ZDHHC18: variants seen among roughly 807,000 people sequenced by gnomAD.
ZDHHC18 encodes zDHHC palmitoyltransferase 18.
Under a neutral mutation model 37.5 loss-of-function variants are expected in ZDHHC18, and 23 were observed. The ratio of observed to expected loss-of-function variants is 0.61; its 90% CI spans 0.44 to 0.87. The LOEUF (loss-of-function observed/expected upper bound fraction) is 0.87. ZDHHC18 is among the 40% of genes least tolerant of loss of function. The pLI is 0.00. For missense variants in ZDHHC18, 406 were observed against 525.6 expected (o/e 0.77, Z 2.22); for synonymous variants, 185 against 218.7 (o/e 0.85, Z 1.36).
chr1:26,832,903 A>G (rs2081594575), intron 2 of ZDHHC18, among the ~76,000 whole-genome samples: 1 of 152,222 alleles, frequency 6.6e-6, no homozygotes, highest in South Asian at 2.1e-4. Flanking sequence ...ATCTTATTTA[A>G]TCCCCCAGTA....
chr1:26,848,240 A>T (rs1557645024), intron 2 of ZDHHC18, among the ~76,000 whole-genome samples: 1 of 151,712 alleles, frequency 6.6e-6, no homozygotes, highest in Non-Finnish European at 1.5e-5. Flanking sequence ...TGAACCTGCG[A>T]GGTGGAGGTT....
In ZDHHC18 at chr1:26,832,502, CTCT is replaced by C. The variant is rs772993536; in HGVS notation, c.400_402del (p.Phe134del). 2.7e-5 allele frequency: 43 copies of C among 1,614,074 alleles called. No homozygotes were observed. The highest frequency in any genetic ancestry group is 3.1e-5 in the Non-Finnish European group (36 of 1,180,028). On this transcript the variant is annotated inframe_deletion, in exon 2 of 8. Coordinates refer to ENST00000374142, the MANE Select transcript of ZDHHC18 (RefSeq NM_032283.3). The stretch of plus-strand genomic sequence containing the variant: ...TGCCATCCCCATCATCGCTGCCATC[CTCT>C]TCTTCTTCGTCATGAGCTGCCTGCT...
intron 2 of ZDHHC18, among the ~76,000 whole-genome samples, chr1:26,842,871 CTG>C (rs2081645615): frequency 6.6e-6 from 1 of 152,256 alleles, no homozygotes; most frequent in South Asian, 2.1e-4. Flanking sequence ...AGTGGCCAAA[CTG>C]GAGACATTAT....
chr1:26,855,970 C>A lies in ZDHHC18; in HGVS notation c.*2127C>A, dbSNP rs1440884209. ...TCCTGTCCCCTCTTTGTCCCCTCCA[C>A]CTTCCCCTGCCTCAGGGGCTTGGAG... On this transcript the variant is annotated 3_prime_UTR_variant, in exon 8 of 8. Coordinates refer to ENST00000374142, the MANE Select transcript of ZDHHC18 (RefSeq NM_032283.3). 3 of 299,642 alleles carry A rather than the reference C, an allele frequency of 1.0e-5. No homozygotes were observed. In the East Asian group the frequency reaches 2.5e-4, roughly 25 times the overall value. The allele number at this position is 299,642 out of a possible 1,614,324, so 18.6% of individuals were successfully genotyped here. A position where few individuals can be genotyped will look rare whatever the true frequency, so the allele number is the denominator to read the frequency against.
intron 1 of ZDHHC18, among the ~76,000 whole-genome samples, chr1:26,830,034 G>A (rs925457532): frequency 2.0e-5 from 3 of 152,232 alleles, no homozygotes; most frequent in African/African-American, 7.2e-5. Context: ...GAGATGTATG[G>A]AGCAGAGTGT....
intron 1 of ZDHHC18, 32 bp from the exon 2 acceptor site, chr1:26,832,415 G>A (rs998552862): frequency 2.5e-6 from 4 of 1,612,268 alleles, no homozygotes; most frequent in African/African-American, 2.7e-5. Context: ...CCCTTGGGGT[G>A]TCTGCTGATC....
rs766302100 is a variant in ZDHHC18, at chr1:26,850,410, C to T, written c.756C>T (p.Phe252=). The T allele has an allele frequency of 5.6e-5, 90 of 1,614,128 alleles. No individual in the cohort carries two copies. Among genetic ancestry groups the T allele is most frequent in the Middle Eastern group, 1.6e-4 (1 of 6,084 alleles). Residue 252 remains phenylalanine (F), a synonymous_variant, in exon 4 of 8, where the codon TTC becomes TTT. Transcript: ENST00000374142. The surrounding 1 kb of genome is among the most constrained non-coding windows in gnomAD (Gnocchi z 6.1). ...TCTCATTCCTGACGGCCTTCATCTT[C>T]GCCTGTGTGGTCACCCACCTGACGT... ...LSLSFLTAFI[F]ACVVTHLTLR... is the part of the protein sequence containing the mutation.
Position 26,832,624 on chromosome 1 carries a change from C to A in ZDHHC18, c.496+17C>A, listed in dbSNP as rs1323827083. On this transcript the variant is annotated intron_variant, in intron 2 of 7. Transcript: ENST00000374142. ...AACAGATCGGTGAGGTTTCTACTCCCAGCTGAAGCTGGGTCTCCATAGCTC... is the reference window on the plus strand; with the variant it reads ...AACAGATCGGTGAGGTTTCTACTCCAAGCTGAAGCTGGGTCTCCATAGCTC... 1 of 1,612,078 alleles carries A rather than the reference C, an allele frequency of 6.2e-7. No homozygotes were observed. The highest frequency in any genetic ancestry group is 8.5e-7 in the Non-Finnish European group (1 of 1,178,418).
intron 1 of ZDHHC18, 107 bp downstream of exon 1, chr1:26,827,246 A>C (rs1570663289): frequency 4.3e-6 from 4 of 932,550 alleles, no homozygotes; most frequent in South Asian, 3.9e-5. Flanking sequence ...CCTGGTCCTC[A>C]TCCTCCCCGC....
intron 2 of ZDHHC18, among the ~76,000 whole-genome samples, chr1:26,834,129 G>T (rs942548508): frequency 3.3e-5 from 5 of 152,192 alleles, no homozygotes; most frequent in African/African-American, 1.2e-4. Context: ...TCCCCTTCTG[G>T]TCAGGGCTAA....
chr1:26,853,622 A>G, intron 7 of ZDHHC18, 104 bp from the exon 8 acceptor site: 1 of 1,104,154 alleles, frequency 9.1e-7, no homozygotes, highest in Non-Finnish European at 1.3e-6. Context: ...AGCCTTTCTC[A>G]GCCTGGGCCT....
chr1:26,833,148 T>A (rs113939018), intron 2 of ZDHHC18, among the ~76,000 whole-genome samples: 2 of 152,318 alleles, frequency 1.3e-5, no homozygotes, highest in Non-Finnish European at 2.9e-5. Flanking sequence ...AAACTGACAA[T>A]AGTCCCTGTC....
intron 1 of ZDHHC18, among the ~76,000 whole-genome samples, chr1:26,829,872 C>T (rs529408287): frequency 6.6e-6 from 1 of 152,316 alleles, no homozygotes; most frequent in South Asian, 2.1e-4. Flanking sequence ...GAGGCTAGGA[C>T]TTGGTGGTTC....
rs1214746757 is a variant in ZDHHC18, at chr1:26,850,780, G to A, written c.833+174G>A. On this transcript the variant is annotated intron_variant, in intron 5 of 7. Transcript: ENST00000374142. The surrounding 1 kb of genome is among the most constrained non-coding windows in gnomAD (Gnocchi z 6.1). ...CCAGGCAAGAGCTGATCCTAAATGG[G>A]GCATTGTGGGGCCGGGGGTTCCTCG... Among the ~76,000 whole-genome samples the A allele has an allele frequency of 6.6e-6, 1 of 152,170 alleles. No homozygotes were observed. The highest frequency in any genetic ancestry group is 1.5e-5 in the Non-Finnish European group (1 of 68,016).
In ZDHHC18 at chr1:26,826,740, C is replaced by G. The variant is rs972580487; in HGVS notation, c.-65C>G. 1.4e-5 allele frequency: 12 copies of G among 836,696 alleles called. No individual in the cohort carries two copies. The highest frequency in any genetic ancestry group is 3.7e-5 in the African/African-American group (2 of 53,924). 51.8% of individuals were successfully genotyped at this position (836,696 alleles called of 1,614,324 possible). On this transcript the variant is annotated 5_prime_UTR_variant, in exon 1 of 8. Coordinates refer to ENST00000374142, the MANE Select transcript of ZDHHC18 (RefSeq NM_032283.3). The surrounding 1 kb of genome is among the most constrained non-coding windows in gnomAD (Gnocchi z 5.2). Reference sequence around the variant, plus strand: ...CGCCGCCGCTGCCACCTCCGCTGCTCGGCCCGGTCCCGGAGTGGCCCGGCC... The same window carrying G: ...CGCCGCCGCTGCCACCTCCGCTGCTGGGCCCGGTCCCGGAGTGGCCCGGCC...
chr1:26,834,807 G>C (rs1412237407), intron 2 of ZDHHC18, among the ~76,000 whole-genome samples: 1 of 152,216 alleles, frequency 6.6e-6, no homozygotes, highest in African/African-American at 2.4e-5. Context: ...GGCATCATGG[G>C]TTTGTTCATT....
chr1:26,849,221 G>A (rs1452091922), intron 3 of ZDHHC18, among the ~76,000 whole-genome samples: 1 of 152,220 alleles, frequency 6.6e-6, no homozygotes, highest in Non-Finnish European at 1.5e-5. Context: ...AGGCGTTTAA[G>A]CTGATGAGGT....
At position 26,850,163 on chromosome 1, in the gene ZDHHC18, G is replaced by T; in HGVS notation, c.647-138G>T. 1.5e-5 allele frequency: 15 copies of T among 1,029,566 alleles called. No homozygotes were observed. The highest frequency in any genetic ancestry group is 2.1e-5 in the Non-Finnish European group (15 of 709,178). The allele number at this position is 1,029,566 out of a possible 1,614,324, so 63.8% of individuals were successfully genotyped here. A position where few individuals can be genotyped will look rare whatever the true frequency, so the allele number is the denominator to read the frequency against. On this transcript the variant is annotated intron_variant, in intron 3 of 7. Transcript: ENST00000374142. This position sits in a 1 kb window ranked among gnomAD's most constrained non-coding sequence, Gnocchi z 6.1. Reference sequence around the variant, plus strand: ...GGTACACAAAGGACCAGAGGCAGGTGTGTCCAAGGCCTGGGAGCCAGCTGG... The same window carrying T: ...GGTACACAAAGGACCAGAGGCAGGTTTGTCCAAGGCCTGGGAGCCAGCTGG...
At chr1:26,827,409 A>C (rs954153414) in intron 1 of ZDHHC18, among the ~76,000 whole-genome samples, 2 of 112,968 alleles carry the variant, frequency 1.8e-5, no homozygotes, top group Admixed American at 1.0e-4. Flanking sequence ...CCCTGACCCC[A>C]CCCTGGCACC....
Sources: allele counts gnomAD v4.1 joint callset (sites outside exome capture counted in the v4.1 genomes callset), GRCh38; gene constraint gnomAD v4.1.1; non-coding constraint Gnocchi (gnomAD v3.1); transcripts MANE v1.5; gene names NCBI Gene and HGNC (gene_info 2026-07-23, HGNC 2026-07-21).